Variants in ARHGAP24 observed in about 807,000 individuals in gnomAD.
ARHGAP24 encodes Rho GTPase activating protein 24, also known as rho GTPase-activating protein 24.
Under a neutral mutation model 76.4 loss-of-function variants are expected in ARHGAP24, and 50 were observed. The observed-to-expected ratio is 0.65, with a 90% CI of 0.52 to 0.83. The LOEUF (loss-of-function observed/expected upper bound fraction) is 0.83, where lower values mean the gene tolerates loss of function less well. Among genes scored for constraint, ARHGAP24 ranks in the 40% least tolerant of loss-of-function variants. The pLI is 0.00. For missense variants in ARHGAP24, 930 were observed against 914.2 expected (o/e 1.02, Z -0.22); for synonymous variants, 345 against 323.3 (o/e 1.07, Z -0.72).
chr4:85,820,090 C>G (rs996899942), intron 3 of ARHGAP24, among the ~76,000 whole-genome samples: 9 of 152,052 alleles, frequency 5.9e-5, no homozygotes, highest in African/African-American at 2.2e-4. Flanking sequence ...TTTCAAAGAA[C>G]TCAAAAGCAG....
chr4:85,518,506 G>A (rs907891056), intron 1 of ARHGAP24, among the ~76,000 whole-genome samples: 1 of 151,924 alleles, frequency 6.6e-6, no homozygotes, highest in Non-Finnish European at 1.5e-5. Flanking sequence ...AGTCTTTTAT[G>A]CCCCACCCGC....
chr4:85,576,386 C>T (rs1052298633), intron 2 of ARHGAP24, among the ~76,000 whole-genome samples: 3 of 151,284 alleles, frequency 2.0e-5, no homozygotes, highest in Non-Finnish European at 2.9e-5. Flanking sequence ...GGAGAGATCG[C>T]GCCACTGCAC....
intron 2 of ARHGAP24, among the ~76,000 whole-genome samples, chr4:85,699,337 T>G (rs1170681257): frequency 6.6e-6 from 1 of 152,340 alleles, no homozygotes; most frequent in Non-Finnish European, 1.5e-5. Flanking sequence ...CTCACACCTG[T>G]AATCCCAACA....
At chr4:85,546,255 A>G (rs977630790) in intron 1 of ARHGAP24, among the ~76,000 whole-genome samples, 1 of 152,176 alleles carries the variant, frequency 6.6e-6, no homozygotes, top group Non-Finnish European at 1.5e-5. Flanking sequence ...TCATATTTCT[A>G]ACTGAAAGCA....
At chr4:85,942,329 AG>A in intron 5 of ARHGAP24, 56 bp downstream of exon 5, 5 of 1,579,572 alleles carry the variant, frequency 3.2e-6, no homozygotes, top group Non-Finnish European at 4.3e-6. Context: ...CTCAACTGAC[AG>A]GATGCAGTGA....
intron 4 of ARHGAP24, among the ~76,000 whole-genome samples, chr4:85,940,573 A>G (rs1479217031): frequency 6.6e-6 from 1 of 152,126 alleles, no homozygotes; most frequent in African/African-American, 2.4e-5. Context: ...ATGTCAAGGG[A>G]GAATGGGGTG....
chr4:85,665,370 G>T (rs942651339), intron 2 of ARHGAP24, among the ~76,000 whole-genome samples: 4 of 152,066 alleles, frequency 2.6e-5, no homozygotes, highest in Non-Finnish European at 5.9e-5. Context: ...CTGCTTGGTA[G>T]ATCTTCCTCC....
intron 3 of ARHGAP24, among the ~76,000 whole-genome samples, chr4:85,835,187 A>G (rs1730193450): frequency 6.6e-6 from 1 of 152,040 alleles, no homozygotes; most frequent in Non-Finnish European, 1.5e-5. Context: ...CTTTCAAGTA[A>G]GTCTATGCAG....
At chr4:85,793,868 G>A (rs12644339) in intron 3 of ARHGAP24, among the ~76,000 whole-genome samples, 39,659 of 152,000 alleles carry the variant, frequency 0.26, 5,469 homozygotes, top group African/African-American at 0.31. Flanking sequence ...TATAAGAAAA[G>A]GAAACAGCAA....
intron 1 of ARHGAP24, among the ~76,000 whole-genome samples, chr4:85,515,237 G>A (rs952561076): frequency 5.9e-5 from 9 of 151,898 alleles, no homozygotes; most frequent in Non-Finnish European, 1.0e-4. Flanking sequence ...TCATTCTTTT[G>A]GATTTAACTT....
rs1733384883 is a variant in ARHGAP24, at chr4:85,883,610, GGCCAATGGCAAA to G, written c.269-40034_269-40023del. On this transcript the variant is annotated intron_variant, in intron 3 of 9. Coordinates refer to ENST00000395184, the MANE Select transcript of ARHGAP24 (RefSeq NM_001025616.3). ...AATACATCATTACATAAACAAAGAG[GGCCAATGGCAAA>G]GCCTTGACAAACTAGCTAAACTAGG... 3.3e-5 allele frequency among the ~76,000 whole-genome samples: 5 copies of G among 151,934 alleles called. No individual in the cohort carries two copies. The South Asian group carries it at 1.0e-3, about 31-fold the overall frequency.
At chr4:85,647,625 A>G (rs1246934638) in intron 2 of ARHGAP24, among the ~76,000 whole-genome samples, 1 of 152,192 alleles carries the variant, frequency 6.6e-6, no homozygotes, top group Non-Finnish European at 1.5e-5. Context: ...TAATGAATGT[A>G]GAATTGAATT....
intron 1 of ARHGAP24, among the ~76,000 whole-genome samples, chr4:85,475,887 A>C (rs1250259756): frequency 1.3e-5 from 2 of 151,562 alleles, no homozygotes; most frequent in African/African-American, 4.8e-5. Flanking sequence ...CCCTTTGTAC[A>C]ATTCAATTTC....
intron 2 of ARHGAP24, among the ~76,000 whole-genome samples, chr4:85,702,194 T>C (rs1438065196): frequency 2.6e-5 from 4 of 152,178 alleles, no homozygotes; most frequent in Non-Finnish European, 4.4e-5. Context: ...TATGTAAATA[T>C]ATAGACAAAG....
intron 3 of ARHGAP24, among the ~76,000 whole-genome samples, chr4:85,803,687 G>T (rs1254018557): frequency 2.6e-4 from 39 of 152,176 alleles, no homozygotes; most frequent in Admixed American, 2.5e-3. Flanking sequence ...TTAGGGGGCA[G>T]TTCACACCTT....
intron 2 of ARHGAP24, among the ~76,000 whole-genome samples, chr4:85,643,721 A>G (rs1004332959): frequency 6.6e-5 from 10 of 152,122 alleles, no homozygotes; most frequent in Non-Finnish European, 1.3e-4. Flanking sequence ...AAGAACAGAG[A>G]TCTTTGTTTT....
At chr4:85,582,549 A>G (rs1388334667) in intron 2 of ARHGAP24, among the ~76,000 whole-genome samples, 1 of 152,046 alleles carries the variant, frequency 6.6e-6, no homozygotes, top group African/African-American at 2.4e-5. Flanking sequence ...AAAACATTAG[A>G]CTGTAGTTTA....
At chr4:85,784,945 ATCTATCTATCTATCTCTC>A (rs1468550701) in intron 3 of ARHGAP24, among the ~76,000 whole-genome samples, 1 of 135,588 alleles carries the variant, frequency 7.4e-6, no homozygotes, top group Non-Finnish European at 1.6e-5. Flanking sequence ...CTATCTATCT[ATCTATCTATCTATCTCTC>A]TATCTCTCTA....
At chr4:85,863,674 G>C (rs912630982) in intron 3 of ARHGAP24, among the ~76,000 whole-genome samples, 1 of 151,924 alleles carries the variant, frequency 6.6e-6, no homozygotes, top group African/African-American at 2.4e-5. Context: ...CATATACTTC[G>C]ACAACAGTAA....
Sources: gnomAD v4.1 joint callset for allele counts (sites outside exome capture counted in the v4.1 genomes callset) on GRCh38, gnomAD v4.1.1 for gene constraint, MANE v1.5 for transcripts, NCBI Gene and HGNC (gene_info 2026-07-23, HGNC 2026-07-21) for gene names.